SMIM1: variants seen among roughly 807,000 people sequenced by gnomAD.
SMIM1 encodes small integral membrane protein 1.
SMIM1 carries 7 observed loss-of-function variants against 7.7 expected under a neutral mutation model. That is an observed-to-expected ratio of 0.91 (90% CI 0.52 to 1.71). The LOEUF (loss-of-function observed/expected upper bound fraction) is 1.71. Ranked by LOEUF, SMIM1 falls within the 40% of genes most tolerant of loss-of-function variation. The pLI, the probability that SMIM1 is intolerant of heterozygous loss-of-function variation, is 0.00. For synonymous variants in SMIM1, 41 were observed against 42.7 expected, an observed-to-expected ratio of 0.96 and a Z score of 0.16; for missense variants, 95 against 102.8, an observed-to-expected ratio of 0.92 and a Z score of 0.33.
chr1:3,775,432 G>T lies in SMIM1; in HGVS notation c.59G>T (p.Gly20Val). The T allele has an allele frequency of 6.4e-7, 1 of 1,550,514 alleles. No homozygotes were observed. The highest frequency in any genetic ancestry group is 1.2e-5 in the South Asian group (1 of 84,042). The change falls in exon 3 of 4, where the codon GGA becomes GTA. Residue 20 changes from glycine to valine, a missense_variant. By Grantham distance (109) the Gly-to-Val change is moderately radical. Coordinates refer to ENST00000642557, the MANE Select transcript of SMIM1 (RefSeq NM_001288583.2). This position sits in a 1 kb window ranked among gnomAD's most constrained non-coding sequence, Gnocchi z 5.3. ...YSRWEDGSRD[G>V]VSLGAVSSTE... The stretch of plus-strand genomic sequence containing the variant: ...AGGTGGGAGGACGGCAGCAGGGACG[G>T]AGTCAGCCTAGGGGCTGTGTCCAGC...
rs952408336 is a variant in SMIM1, at chr1:3,775,212, A to G, written c.-75-87A>G. 9 of 543,384 alleles carry G rather than the reference A, an allele frequency of 1.7e-5. No individual in the cohort carries two copies. The highest frequency in any genetic ancestry group is 4.6e-5 in the South Asian group (2 of 43,090). The allele number at this position is 543,384 out of a possible 1,614,324, so 33.7% of individuals were successfully genotyped here. A position where few individuals can be genotyped will look rare whatever the true frequency, so the allele number is the denominator to read the frequency against. Reference sequence around the variant, plus strand: ...AGTCAGGCGACAGACCCGGTGAGGGAGTCAGCCCCCGACCCTTAGTGCCCC... The same window carrying G: ...AGTCAGGCGACAGACCCGGTGAGGGGGTCAGCCCCCGACCCTTAGTGCCCC... On this transcript the variant is annotated intron_variant, in intron 2 of 3. Transcript: ENST00000642557. This position sits in a 1 kb window ranked among gnomAD's most constrained non-coding sequence, Gnocchi z 5.3.
chr1:3,775,534 C>T lies in SMIM1; in HGVS notation c.110+51C>T. ...AGCCATAGCAGGCTGGTGTCTCCCT[C>T]CAGAGACGCCTGCCCTAACCCCTGC... On this transcript the variant is annotated intron_variant, in intron 3 of 3. Transcript: ENST00000642557. This position sits in a 1 kb window ranked among gnomAD's most constrained non-coding sequence, Gnocchi z 5.3. 3 of 1,465,660 alleles carry T rather than the reference C, an allele frequency of 2.0e-6. No homozygotes were observed. Among genetic ancestry groups the T allele is most frequent in the Non-Finnish European group, 2.8e-6 (3 of 1,077,426 alleles). 90.8% of individuals were successfully genotyped at this position (1,465,660 alleles called of 1,614,324 possible).
At chr1:3,774,801 C>G (rs928592827) in intron 2 of SMIM1, among the ~76,000 whole-genome samples, 13 of 152,282 alleles carry the variant, frequency 8.5e-5, no homozygotes, top group African/African-American at 3.1e-4. Flanking sequence ...GGGCCAGCCA[C>G]GCATCCTCCC....
chr1:3,774,870 C>CG (rs70940313), intron 2 of SMIM1, among the ~76,000 whole-genome samples: 1 of 151,152 alleles, frequency 6.6e-6, no homozygotes, highest in African/African-American at 2.4e-5. Flanking sequence ...CCCTGCCCCA[C>CG]CCCCCCCTCC....
In SMIM1 at chr1:3,773,141, A is replaced by G. The variant is rs1160821588; in HGVS notation, c.-116A>G. Reference sequence around the variant, plus strand: ...GGCCGCTGGCCAGGCCCTGACCGCAACCTGGCCCAGAGGCCCCAGCCCTCA... The same window carrying G: ...GGCCGCTGGCCAGGCCCTGACCGCAGCCTGGCCCAGAGGCCCCAGCCCTCA... On this transcript the variant is annotated 5_prime_UTR_variant, in exon 2 of 4. Transcript: ENST00000642557. The G allele has an allele frequency of 6.6e-6, 1 of 152,278 alleles. No individual in the cohort carries two copies. The highest frequency in any genetic ancestry group is 1.5e-5 in the Non-Finnish European group (1 of 68,094). The allele number at this position is 152,278 out of a possible 1,614,324, so 9.4% of individuals were successfully genotyped here.
At chr1:3,774,877 C>G (rs1160039289) in intron 2 of SMIM1, among the ~76,000 whole-genome samples, 7 of 152,122 alleles carry the variant, frequency 4.6e-5, no homozygotes, top group South Asian at 2.1e-4. Context: ...CCACCCCCCC[C>G]TCCCCTGGCC....
In SMIM1 at chr1:3,775,542, G is replaced by A. The variant is rs923923034; in HGVS notation, c.110+59G>A. On this transcript the variant is annotated intron_variant, in intron 3 of 3. Transcript: ENST00000642557. This position sits in a 1 kb window ranked among gnomAD's most constrained non-coding sequence, Gnocchi z 5.3. Reference sequence around the variant, plus strand: ...CAGGCTGGTGTCTCCCTCCAGAGACGCCTGCCCTAACCCCTGCTACCGGCC... The same window carrying A: ...CAGGCTGGTGTCTCCCTCCAGAGACACCTGCCCTAACCCCTGCTACCGGCC... 32 of 1,441,922 alleles carry A rather than the reference G, an allele frequency of 2.2e-5. No homozygotes were observed. Among genetic ancestry groups the A allele is most frequent in the East Asian group, 5.0e-5 (2 of 40,226 alleles). The allele number at this position is 1,441,922 out of a possible 1,614,324, so 89.3% of individuals were successfully genotyped here.
intron 2 of SMIM1, among the ~76,000 whole-genome samples, chr1:3,773,633 C>T (rs1192735350): frequency 2.6e-5 from 4 of 152,180 alleles, no homozygotes; most frequent in Non-Finnish European, 5.9e-5. Context: ...CTCCAGCCAT[C>T]ACGTCGAGTC....
Position 3,775,188 on chromosome 1 carries a change from G to A in SMIM1, c.-75-111G>A, listed in dbSNP as rs1643439187. 1 of 531,708 alleles carries A rather than the reference G, an allele frequency of 1.9e-6. No individual in the cohort carries two copies. Among genetic ancestry groups the A allele is most frequent in the African/African-American group, 1.9e-5 (1 of 52,384 alleles). The allele number at this position is 531,708 out of a possible 1,614,324, so 32.9% of individuals were successfully genotyped here. A position where few individuals can be genotyped will look rare whatever the true frequency, so the allele number is the denominator to read the frequency against. ...ACTTTGTGTCTAGGTCACCTGTTAAGTCAGGCGACAGACCCGGTGAGGGAG... is the reference window on the plus strand; with the variant it reads ...ACTTTGTGTCTAGGTCACCTGTTAAATCAGGCGACAGACCCGGTGAGGGAG... On this transcript the variant is annotated intron_variant, in intron 2 of 3. Transcript: ENST00000642557. The surrounding 1 kb of genome is among the most constrained non-coding windows in gnomAD (Gnocchi z 5.3).
At position 3,775,193 on chromosome 1, in the gene SMIM1, G is replaced by T; in HGVS notation, c.-75-106G>T. 1.9e-6 allele frequency: 1 copy of T among 532,488 alleles called. No homozygotes were observed. The highest frequency in any genetic ancestry group is 3.4e-6 in the Non-Finnish European group (1 of 293,536). 33.0% of individuals were successfully genotyped at this position (532,488 alleles called of 1,614,324 possible). ...GTGTCTAGGTCACCTGTTAAGTCAG[G>T]CGACAGACCCGGTGAGGGAGTCAGC... On this transcript the variant is annotated intron_variant, in intron 2 of 3. Transcript: ENST00000642557. The surrounding 1 kb of genome is among the most constrained non-coding windows in gnomAD (Gnocchi z 5.3).
rs1643449266 is a variant in SMIM1 at position 3,775,777 on chromosome 1, A to G, written c.111-18A>G. ...CGGCCCTGGCCTGGGGCTCACCTCC[A>G]GTTGGTTCTCACCCCAGGATCTCCC... On this transcript the variant is annotated intron_variant, in intron 3 of 3. Coordinates refer to ENST00000642557, the MANE Select transcript of SMIM1 (RefSeq NM_001288583.2). The surrounding 1 kb of genome is among the most constrained non-coding windows in gnomAD (Gnocchi z 5.3). The G allele has an allele frequency of 6.5e-7, 1 of 1,548,118 alleles. No individual in the cohort carries two copies. Among genetic ancestry groups the G allele is most frequent in the Non-Finnish European group, 8.7e-7 (1 of 1,146,450 alleles).
intron 2 of SMIM1, among the ~76,000 whole-genome samples, chr1:3,774,943 T>A (rs1284479032): frequency 6.7e-6 from 1 of 149,150 alleles, no homozygotes; most frequent in East Asian, 2.0e-4. Flanking sequence ...AGGGGGACAG[T>A]TATCAGGGGC....
rs1276812131 is a variant in SMIM1, at chr1:3,775,955, C to T, written c.*34C>T. On this transcript the variant is annotated 3_prime_UTR_variant, in exon 4 of 4. Coordinates refer to ENST00000642557, the MANE Select transcript of SMIM1 (RefSeq NM_001288583.2). This position sits in a 1 kb window ranked among gnomAD's most constrained non-coding sequence, Gnocchi z 5.3. ...CCGCATGCACGCGGGGGGCTGGCCG[C>T]ACACGTGAGAGCACAGGCCTGGAGA... 1 of 1,540,364 alleles carries T rather than the reference C, an allele frequency of 6.5e-7. No homozygotes were observed. The highest frequency in any genetic ancestry group is 2.0e-5 in the Admixed American group (1 of 50,756).
At chr1:3,774,008 C>T (rs1643421132) in intron 2 of SMIM1, among the ~76,000 whole-genome samples, 2 of 151,856 alleles carry the variant, frequency 1.3e-5, no homozygotes, top group African/African-American at 4.9e-5. Context: ...GCTCCTTCTG[C>T]CTCTCTGGGC....
rs763914746 is a variant in SMIM1 at position 3,775,363 on chromosome 1, A to G, written c.-11A>G. 14 of 1,543,736 alleles carry G rather than the reference A, an allele frequency of 9.1e-6. 1 individual carries two copies. The South Asian group carries it at 1.7e-4, about 18-fold the overall frequency. On this transcript the variant is annotated 5_prime_UTR_variant, in exon 3 of 4. Coordinates refer to ENST00000642557, the MANE Select transcript of SMIM1 (RefSeq NM_001288583.2). This position sits in a 1 kb window ranked among gnomAD's most constrained non-coding sequence, Gnocchi z 5.3. The stretch of plus-strand genomic sequence containing the variant: ...GAGAAGGCCCCGCCCCTCCCGCTGC[A>G]GCCCCACAGCATGCAGCCCCAGGAG...
In SMIM1 at chr1:3,775,841, G is replaced by A; in HGVS notation, c.157G>A (p.Val53Met). 1 of 1,550,982 alleles carries A rather than the reference G, an allele frequency of 6.4e-7. No homozygotes were observed. ...GGGCAAGCTGGGCATCGCCATGAAG[G>A]TGCTGGGCGGCGTGGCCCTCTTCTG... Reference protein sequence around the residue: ...CTGKLGIAMKVLGGVALFWII... With the variant: ...CTGKLGIAMKMLGGVALFWII... Residue 53 changes from valine (V) to methionine (M), a missense_variant, in exon 4 of 4, where the codon GTG becomes ATG. By Grantham distance (21) the Val-to-Met change is conservative. Coordinates refer to ENST00000642557, the MANE Select transcript of SMIM1 (RefSeq NM_001288583.2). The surrounding 1 kb of genome is among the most constrained non-coding windows in gnomAD (Gnocchi z 5.3).
In SMIM1 at chr1:3,773,100, C is replaced by T. The variant is rs1051066703; in HGVS notation, c.-157C>T. ...TGCCGCACCTCAGCCCACGACCTGC[C>T]CCGCTGGGAGGTGCGGGCCGCTGGC... On this transcript the variant is annotated 5_prime_UTR_variant, in exon 2 of 4. Coordinates refer to ENST00000642557, the MANE Select transcript of SMIM1 (RefSeq NM_001288583.2). 6.6e-6 allele frequency: 1 copy of T among 152,290 alleles called. No homozygotes were observed. The highest frequency in any genetic ancestry group is 2.4e-5 in the African/African-American group (1 of 41,466). The allele number at this position is 152,290 out of a possible 1,614,324, so 9.4% of individuals were successfully genotyped here.
chr1:3,775,698 C>CCCCT lies in SMIM1; in HGVS notation c.111-93_111-90dup. The CCCCT allele has an allele frequency of 1.4e-6, 2 of 1,460,236 alleles. No homozygotes were observed. The highest frequency in any genetic ancestry group is 2.4e-4 in the Middle Eastern group (1 of 4,082). 90.5% of individuals were successfully genotyped at this position (1,460,236 alleles called of 1,614,324 possible). A position where few individuals can be genotyped will look rare whatever the true frequency, so the allele number is the denominator to read the frequency against. Reference sequence around the variant, plus strand: ...TCTTGACTCCAGCAGAGCGCCCAGGCCCCTCCCCCTGACCCAGACCAACGG... The same window carrying CCCCT: ...TCTTGACTCCAGCAGAGCGCCCAGGCCCCTCCCTCCCCCTGACCCAGACCAACGG... On this transcript the variant is annotated intron_variant, in intron 3 of 3. Coordinates refer to ENST00000642557, the MANE Select transcript of SMIM1 (RefSeq NM_001288583.2). The surrounding 1 kb of genome is among the most constrained non-coding windows in gnomAD (Gnocchi z 5.3).
Position 3,775,951 on chromosome 1 carries a change from G to A in SMIM1, c.*30G>A. The A allele has an allele frequency of 6.5e-7, 1 of 1,541,804 alleles. No individual in the cohort carries two copies. Among genetic ancestry groups the A allele is most frequent in the African/African-American group, 1.4e-5 (1 of 73,158 alleles). On this transcript the variant is annotated 3_prime_UTR_variant, in exon 4 of 4. Coordinates refer to ENST00000642557, the MANE Select transcript of SMIM1 (RefSeq NM_001288583.2). This position sits in a 1 kb window ranked among gnomAD's most constrained non-coding sequence, Gnocchi z 5.3. ...TGCCCCGCATGCACGCGGGGGGCTG[G>A]CCGCACACGTGAGAGCACAGGCCTG...
Sources: gnomAD v4.1 joint callset for allele counts (sites outside exome capture counted in the v4.1 genomes callset) on GRCh38, gnomAD v4.1.1 for gene constraint, Gnocchi (gnomAD v3.1) non-coding constraint, MANE v1.5 for transcripts, NCBI Gene and HGNC (gene_info 2026-07-23, HGNC 2026-07-21) for gene names.